CMIP: variants seen among roughly 807,000 people sequenced by gnomAD.
CMIP encodes c-Maf inducing protein, also known as C-Maf-inducing protein.
In CMIP, 13 loss-of-function variants were observed where a neutral mutation model predicts 97.3. That is an observed-to-expected ratio of 0.13 (90% confidence interval 0.09 to 0.21). The LOEUF is 0.21. Among genes scored for constraint, CMIP ranks in the 10% least tolerant of loss-of-function variants. The pLI is 1.00. For missense variants in CMIP, 847 were observed against 1,024.9 expected (o/e 0.83, Z 2.37); for synonymous variants, 538 against 436.3 (o/e 1.23, Z -2.91).
At chr16:81,452,121 A>G (rs1597443017) in intron 1 of CMIP, among the ~76,000 whole-genome samples, 1 of 152,188 alleles carries the variant, frequency 6.6e-6, no homozygotes, top group Non-Finnish European at 1.5e-5. Flanking sequence ...TACCCCTCCC[A>G]TGTGCACAGC....
intron 1 of CMIP, chr16:81,518,024 T>C (rs2089949452): frequency 1.2e-5 from 5 of 417,826 alleles, no homozygotes; most frequent in Non-Finnish European, 1.6e-5. Context: ...CATGCCCCCA[T>C]GGTTAATTGT....
At chr16:81,626,424 G>A (rs1163246287) in intron 3 of CMIP, among the ~76,000 whole-genome samples, 1 of 148,198 alleles carries the variant, frequency 6.7e-6, no homozygotes, top group Admixed American at 6.8e-5. Context: ...ATGAGTGTGT[G>A]TGGGGTGTGG....
At chr16:81,512,137 A>G (rs2089824299) in intron 1 of CMIP, among the ~76,000 whole-genome samples, 1 of 152,210 alleles carries the variant, frequency 6.6e-6, no homozygotes, top group Non-Finnish European at 1.5e-5. Context: ...TGGCTACTAG[A>G]ATATTTAGTT....
chr16:81,687,464 C>A (rs967225763), intron 10 of CMIP, among the ~76,000 whole-genome samples: 3 of 152,202 alleles, frequency 2.0e-5, no homozygotes, highest in Non-Finnish European at 4.4e-5. Flanking sequence ...TCCGCGGAGT[C>A]CCTATAGCCA....
Position 81,457,907 on chromosome 16 carries a change from G to T in CMIP, c.300+12366G>T, listed in dbSNP as rs371162893. On this transcript the variant is annotated intron_variant, in intron 1 of 20. Coordinates refer to ENST00000537098, the MANE Select transcript of CMIP (RefSeq NM_198390.3). ...GAAGGAAATCCCAGCTGGCCTGGGCGTTGGCAAGCTCCCCCCTACCTTTGA... is the reference window on the plus strand; with the variant it reads ...GAAGGAAATCCCAGCTGGCCTGGGCTTTGGCAAGCTCCCCCCTACCTTTGA... Among the ~76,000 whole-genome samples, 116 of 152,330 alleles carry T rather than the reference G, an allele frequency of 7.6e-4. 2 individuals carry two copies. In the South Asian group the frequency reaches 0.01, roughly 13 times the overall value.
At chr16:81,488,546 G>A (rs1366533380) in intron 1 of CMIP, among the ~76,000 whole-genome samples, 7 of 152,120 alleles carry the variant, frequency 4.6e-5, no homozygotes, top group African/African-American at 1.2e-4. Flanking sequence ...GGTTCTCCCC[G>A]AAACAGTGGA....
At chr16:81,632,475 A>G (rs1293416260) in intron 3 of CMIP, among the ~76,000 whole-genome samples, 2 of 152,092 alleles carry the variant, frequency 1.3e-5, no homozygotes, top group Non-Finnish European at 2.9e-5. Flanking sequence ...ACAAATCCAC[A>G]CCATTTTCTT....
At chr16:81,603,019 C>A (rs1224597018) in intron 1 of CMIP, among the ~76,000 whole-genome samples, 1 of 152,248 alleles carries the variant, frequency 6.6e-6, no homozygotes, top group Non-Finnish European at 1.5e-5. Context: ...CCCATGTCCC[C>A]TGCAAGCCTC....
intron 2 of CMIP, chr16:81,610,392 G>T (rs539147700): frequency 1.9e-5 from 19 of 985,624 alleles, no homozygotes; most frequent in South Asian, 1.9e-4. Flanking sequence ...CGTGGACAGC[G>T]CAGTCAGAGG....
chr16:81,603,311 T>A (rs2091688482), intron 1 of CMIP: 1 of 443,614 alleles, frequency 2.3e-6, no homozygotes, highest in South Asian at 1.6e-5. Flanking sequence ...TCGATCAAGG[T>A]GACGTCATGA....
intron 1 of CMIP, among the ~76,000 whole-genome samples, chr16:81,484,295 A>G (rs563366413): frequency 8.5e-5 from 13 of 152,316 alleles, no homozygotes; most frequent in Non-Finnish European, 1.8e-4. Flanking sequence ...AGCTCGAGGA[A>G]GAGTTCTGGG....
At chr16:81,689,432 G>C (rs1383731697) in intron 10 of CMIP, among the ~76,000 whole-genome samples, 1 of 152,160 alleles carries the variant, frequency 6.6e-6, no homozygotes, top group Admixed American at 6.5e-5. Context: ...TTTTTCATGT[G>C]TCTGTTGGCT....
At chr16:81,465,693 G>A (rs1009510047) in intron 1 of CMIP, among the ~76,000 whole-genome samples, 1 of 152,356 alleles carries the variant, frequency 6.6e-6, no homozygotes, top group South Asian at 2.1e-4. Context: ...TCTCTGGCTC[G>A]ACCATTTCGC....
intron 1 of CMIP, among the ~76,000 whole-genome samples, chr16:81,517,242 G>A (rs60939807): frequency 4.8e-5 from 4 of 82,728 alleles, no homozygotes; most frequent in Non-Finnish European, 8.7e-5. Flanking sequence ...CTCCAAGGTC[G>A]TCAGTGAAAA....
At chr16:81,600,114 A>G (rs138903114) in intron 1 of CMIP, among the ~76,000 whole-genome samples, 2,206 of 152,098 alleles carry the variant, frequency 0.015, 58 homozygotes, top group African/African-American at 0.051. Flanking sequence ...CCCTGTCTCT[A>G]CTAAAATTAC....
chr16:81,531,373 T>C (rs2090232531), intron 1 of CMIP, among the ~76,000 whole-genome samples: 1 of 152,202 alleles, frequency 6.6e-6, no homozygotes, highest in African/African-American at 2.4e-5. Flanking sequence ...CATCTTGACT[T>C]AGGACTCTCA....
At chr16:81,580,746 G>A (rs1465304899) in intron 1 of CMIP, among the ~76,000 whole-genome samples, 8 of 148,252 alleles carry the variant, frequency 5.4e-5, no homozygotes, top group African/African-American at 1.5e-4. Context: ...GCAGTGAGCC[G>A]AAATCATGCC....
intron 3 of CMIP, among the ~76,000 whole-genome samples, chr16:81,623,621 T>C (rs2092021092): frequency 6.6e-6 from 1 of 152,224 alleles, no homozygotes; most frequent in South Asian, 2.1e-4. Flanking sequence ...CTGTGGCTCT[T>C]TGTACCCAGT....
intron 10 of CMIP, among the ~76,000 whole-genome samples, chr16:81,683,896 G>A (rs1905129697): frequency 6.7e-6 from 1 of 149,996 alleles, no homozygotes; most frequent in Non-Finnish European, 1.5e-5. Context: ...CCAGTAGCTG[G>A]GATACAGGCA....
Sources: allele counts gnomAD v4.1 joint callset (sites outside exome capture counted in the v4.1 genomes callset), GRCh38; gene constraint gnomAD v4.1.1; transcripts MANE v1.5; gene names NCBI Gene and HGNC (gene_info 2026-07-23, HGNC 2026-07-21).